Variants in TNRC6C observed in about 807,000 individuals in gnomAD.
TNRC6C encodes the protein trinucleotide repeat-containing gene 6C protein.
In TNRC6C, 20 loss-of-function variants were observed where a neutral mutation model predicts 153.7. The observed-to-expected ratio is 0.13, with a 90% confidence interval of 0.09 to 0.19. The LOEUF is 0.19. Ranked by LOEUF, TNRC6C falls within the 10% of genes least tolerant of loss-of-function variation. The probability of loss-of-function intolerance (pLI) is 1.00; values close to 1 mark genes in which losing one functional copy is unlikely to be tolerated. For synonymous variants in TNRC6C, 811 were observed against 841.4 expected (o/e 0.96, Z 0.63); for missense variants, 1,987 against 2,172.0 (o/e 0.91, Z 1.69).
chr17:78,077,071 T>C (rs1428949466), intron 8 of TNRC6C, 114 bp from the exon 11 acceptor site: 1 of 1,229,406 alleles, frequency 8.1e-7, no homozygotes, highest in Non-Finnish European at 1.1e-6. Flanking sequence ...CCACACTTTT[T>C]TGATCTGTTA....
chr17:78,059,530 A>C (rs2072724015), intron 3 of TNRC6C, among the ~76,000 whole-genome samples: 1 of 152,230 alleles, frequency 6.6e-6, no homozygotes, highest in South Asian at 2.1e-4. Flanking sequence ...AATTCAAAAT[A>C]GATAAATGAT....
chr17:78,087,291 A>AT, intron 13 of TNRC6C, among the ~76,000 whole-genome samples, 198 bp downstream of exon 15: 1 of 152,058 alleles, frequency 6.6e-6, no homozygotes, highest in South Asian at 2.1e-4. Flanking sequence ...TTTTTTAATT[A>AT]TTTTTTTGAG....
intron 1 of TNRC6C, among the ~76,000 whole-genome samples, chr17:77,985,494 C>T (rs1598650549): frequency 6.6e-6 from 1 of 150,694 alleles, no homozygotes; most frequent in East Asian, 2.0e-4. Flanking sequence ...CCCAGCTACT[C>T]GGGAGGCTGA....
intron 3 of TNRC6C, among the ~76,000 whole-genome samples, chr17:78,052,529 A>C (rs1438556283): frequency 6.6e-6 from 1 of 152,234 alleles, no homozygotes; most frequent in Non-Finnish European, 1.5e-5. Context: ...GTGATGGTGC[A>C]GGGAGGAAAC....
In TNRC6C at chr17:78,049,627, C is replaced by G; in HGVS notation, c.565C>G (p.Pro189Ala). The change falls in exon 3 of 20, where the codon CCC (proline) becomes GCC (alanine). Residue 189 changes from proline to alanine, a missense_variant. Around this residue, in one of 4 missense-constraint regions of TNRC6C, gnomAD observed 1,052 missense variants for 1,017.0 expected, o/e 1.03. Coordinates refer to ENST00000301624, the Ensembl canonical transcript of TNRC6C. The surrounding 1 kb of genome is among the most constrained non-coding windows in gnomAD (Gnocchi z 4.1). Reference sequence around the variant, plus strand: ...CACTGATGGACCAAATAACACTAACCCCATGAACTCTTCACCCAACCCTAT... The same window carrying G: ...CACTGATGGACCAAATAACACTAACGCCATGAACTCTTCACCCAACCCTAT... 1 of 1,613,992 alleles carries G rather than the reference C, an allele frequency of 6.2e-7. No homozygotes were observed.
upstream of TNRC6C, among the ~76,000 whole-genome samples, chr17:77,958,840 A>AGCGCCCGCCGC: frequency 1.4e-5 from 2 of 144,042 alleles, no homozygotes; most frequent in South Asian, 4.3e-4. Context: ...GGGCAGTCCC[A>AGCGCCCGCCGC]GCGCCCGCCG....
chr17:78,031,747 G>T (rs1183638999), exon 2 of TNRC6C: 10 of 1,232,188 alleles, frequency 8.1e-6, no homozygotes. Flanking sequence ...ACTCTAACCA[G>T]TGTGAGCCCA....
chr17:77,984,476 C>T (rs1386927122), intron 1 of TNRC6C, among the ~76,000 whole-genome samples: 5 of 152,118 alleles, frequency 3.3e-5, no homozygotes, highest in Middle Eastern at 3.2e-3. Context: ...TGTGGTTGCA[C>T]CACTGCACCC....
chr17:77,961,522 C>T (rs1056278846), intron 1 of TNRC6C, among the ~76,000 whole-genome samples: 3 of 152,046 alleles, frequency 2.0e-5, no homozygotes, highest in African/African-American at 7.3e-5. Flanking sequence ...AAGGTTTAAT[C>T]TTAACAATTT....
chr17:78,052,004 A>G (rs1013884687), intron 3 of TNRC6C, among the ~76,000 whole-genome samples: 1 of 152,224 alleles, frequency 6.6e-6, no homozygotes, highest in African/African-American at 2.4e-5. Context: ...AGTCGTGAGC[A>G]TGTTTCAGAG....
At position 78,091,268 on chromosome 17, in the gene TNRC6C, A is replaced by G. The variant is rs554173884; in HGVS notation, c.3803-172A>G. 44 of 644,212 alleles carry G rather than the reference A, an allele frequency of 6.8e-5. No individual in the cohort carries two copies. The East Asian group carries it at 9.9e-4, about 15-fold the overall frequency. The allele number at this position is 644,212 out of a possible 1,614,324, so 39.9% of individuals were successfully genotyped here. On this transcript the variant is annotated intron_variant, in intron 13 of 19. Transcript: ENST00000301624. ...TTGAACCTGGGAGGCGGAGGTTGCA[A>G]TGAGCCAAGATTGTGCCATTGCACT...
chr17:78,099,652 A>G (rs1334867060), intron 17 of TNRC6C, among the ~76,000 whole-genome samples: 1 of 152,198 alleles, frequency 6.6e-6, no homozygotes, highest in South Asian at 2.1e-4. Context: ...GGGAGTTACA[A>G]TTCAAGATGA....
intron 2 of TNRC6C, 41 bp downstream of exon 4, chr17:78,031,883 A>G: frequency 8.1e-7 from 1 of 1,231,648 alleles, no homozygotes. Context: ...TGATCTGAAA[A>G]CTTTGCTATT....
chr17:77,975,024 C>T (rs544886842), intron 1 of TNRC6C, among the ~76,000 whole-genome samples: 1 of 133,964 alleles, frequency 7.5e-6, no homozygotes, highest in African/African-American at 3.0e-5. Context: ...AAGAAATAAG[C>T]CAGATTAAAA....
chr17:78,005,882 CTA>C (rs2071487731), intron 1 of TNRC6C, among the ~76,000 whole-genome samples: 1 of 151,876 alleles, frequency 6.6e-6, no homozygotes, highest in Non-Finnish European at 1.5e-5. Context: ...AAAAAAAAGA[CTA>C]ATTGAGATCA....
At chr17:77,967,200 TA>T in intron 1 of TNRC6C, among the ~76,000 whole-genome samples, 1 of 152,226 alleles carries the variant, frequency 6.6e-6, no homozygotes, top group East Asian at 1.9e-4. Context: ...CTTTAGACTT[TA>T]AATTTCAGCA....
At chr17:78,067,953 C>G (rs778501273) in intron 5 of TNRC6C, 30 bp downstream of exon 7, 3 of 1,569,590 alleles carry the variant, frequency 1.9e-6, no homozygotes, top group Admixed American at 3.9e-5. Context: ...CGACGGTACA[C>G]CCTGAAAACC....
chr17:77,960,055 G>A lies in TNRC6C; in HGVS notation c.-38+787G>A, dbSNP rs372399099. ...TGAAGGCTTGCTGCTTGGATGTTGT[G>A]CCGGGAGGTAGGGGAGGAGGAGCCG... On this transcript the variant is annotated intron_variant, in intron 1 of 22. Coordinates refer to the TNRC6C transcript ENST00000636222. Among the ~76,000 whole-genome samples the A allele has an allele frequency of 1.5e-3, 222 of 152,294 alleles. 1 individual carries two copies. Among genetic ancestry groups the A allele is most frequent in the African/African-American group, 5.1e-3 (211 of 41,546 alleles).
chr17:77,972,240 C>T (rs148207052), intron 1 of TNRC6C, among the ~76,000 whole-genome samples: 4 of 152,212 alleles, frequency 2.6e-5, no homozygotes, highest in East Asian at 1.9e-4. Context: ...GGGCCAGGCG[C>T]GGTGGCACAC....
Sources: gnomAD v4.1 joint callset for allele counts (sites outside exome capture counted in the v4.1 genomes callset) on GRCh38, gnomAD v4.1.1 for gene constraint, gnomAD v4.1.1 regional missense constraint, Gnocchi (gnomAD v3.1) non-coding constraint, MANE v1.5 for transcripts, NCBI Gene and HGNC (gene_info 2026-07-23, HGNC 2026-07-21) for gene names.